The following ACSS3 variants were observed in gnomAD, a reference collection of about 807,000 sequenced individuals.
ACSS3 encodes acyl-CoA synthetase short chain family member 3.
A neutral mutation model predicts 84.2 loss-of-function variants in ACSS3; 64 were observed. The observed-to-expected ratio is 0.76, with a 90% CI of 0.62 to 0.94. The LOEUF is 0.94. Among genes scored for constraint, ACSS3 ranks in the 40% least tolerant of loss-of-function variants. The pLI is 0.00. For missense variants in ACSS3, 815 were observed against 867.6 expected (o/e 0.94, Z 0.76); for synonymous variants, 317 against 310.1 (o/e 1.02, Z -0.23).
At chr12:81,176,792 G>C (rs1357259987) in intron 8 of ACSS3, among the ~76,000 whole-genome samples, 1 of 152,136 alleles carries the variant, frequency 6.6e-6, no homozygotes, top group Non-Finnish European at 1.5e-5. Flanking sequence ...AGTTGAGGGG[G>C]AGGGATTCCT....
intron 13 of ACSS3, among the ~76,000 whole-genome samples, chr12:81,243,784 T>C (rs1173452406): frequency 6.6e-6 from 1 of 152,172 alleles, no homozygotes; most frequent in Non-Finnish European, 1.5e-5. Context: ...ATCACTGCTG[T>C]CATTCACTTG....
At chr12:81,156,231 G>GTCT (rs1355600012) in intron 7 of ACSS3, among the ~76,000 whole-genome samples, 1 of 125,842 alleles carries the variant, frequency 7.9e-6, no homozygotes, top group Non-Finnish European at 1.9e-5. Context: ...ACACACACAC[G>GTCT]TCTCTGGGTG....
intron 8 of ACSS3, among the ~76,000 whole-genome samples, chr12:81,180,175 A>C (rs1018662372): frequency 6.6e-6 from 1 of 152,244 alleles, no homozygotes; most frequent in Non-Finnish European, 1.5e-5. Context: ...TGTGAGCTAA[A>C]CATTGAGTAT....
At chr12:81,243,349 GA>G (rs1236016033) in intron 13 of ACSS3, among the ~76,000 whole-genome samples, 151 of 152,300 alleles carry the variant, frequency 9.9e-4, no homozygotes, top group Non-Finnish European at 1.8e-3. Context: ...ACTGCTCAAT[GA>G]AATAAAAGAG....
intron 13 of ACSS3, among the ~76,000 whole-genome samples, chr12:81,235,743 A>AT (rs1167376305): frequency 6.6e-6 from 1 of 151,504 alleles, no homozygotes; most frequent in East Asian, 1.9e-4. Flanking sequence ...GCTATTATAC[A>AT]TTTTTTAAAA....
chr12:81,157,761 C>T (rs112220810), intron 7 of ACSS3, among the ~76,000 whole-genome samples: 4,233 of 152,032 alleles, frequency 0.028, 101 homozygotes, highest in South Asian at 0.11. Flanking sequence ...GAGCCAAGAT[C>T]GCAACACTGC....
intron 11 of ACSS3, among the ~76,000 whole-genome samples, chr12:81,228,475 G>C (rs1281883360): frequency 6.6e-6 from 1 of 151,746 alleles, no homozygotes; most frequent in African/African-American, 2.4e-5. Context: ...AGTTTTTTCT[G>C]GGAGACGACG....
Position 81,199,463 on chromosome 12 carries a change from T to C in ACSS3, c.1354+19T>C, listed in dbSNP as rs775439571. On this transcript the variant is annotated intron_variant, in intron 9 of 15. Transcript: ENST00000548058. The stretch of plus-strand genomic sequence containing the variant: ...CAAACTGGTAAGCATTTTCCTAGCA[T>C]GTACATAAATAGTAAAGAAATGTTC... 1.9e-6 allele frequency: 3 copies of C among 1,596,568 alleles called. No individual in the cohort carries two copies. Among genetic ancestry groups the C allele is most frequent in the Non-Finnish European group, 2.6e-6 (3 of 1,168,160 alleles).
chr12:81,218,126 A>G (rs1393558755), intron 10 of ACSS3, among the ~76,000 whole-genome samples: 1 of 152,158 alleles, frequency 6.6e-6, no homozygotes, highest in Non-Finnish European at 1.5e-5. Context: ...TTGTGATGTT[A>G]TGCAATAAAG....
intron 1 of ACSS3, among the ~76,000 whole-genome samples, chr12:81,096,696 C>A (rs529851596): frequency 6.7e-6 from 1 of 148,818 alleles, no homozygotes; most frequent in South Asian, 2.2e-4. Context: ...TGTTCTACTT[C>A]CACTTATGAG....
chr12:81,127,524 A>T (rs1885183405), intron 2 of ACSS3, among the ~76,000 whole-genome samples: 1 of 152,170 alleles, frequency 6.6e-6, no homozygotes, highest in Admixed American at 6.5e-5. Flanking sequence ...TATTTTATAT[A>T]ACTCTTTCTA....
intron 1 of ACSS3, among the ~76,000 whole-genome samples, chr12:81,095,915 A>C (rs964480535): frequency 1.3e-5 from 2 of 152,236 alleles, no homozygotes; most frequent in African/African-American, 2.4e-5. Flanking sequence ...TATCTGTGCT[A>C]TGGAGAGATG....
Position 81,255,006 on chromosome 12 carries a change from T to C in ACSS3, c.*84T>C, listed in dbSNP as rs1029370861. ...TTGAGTTGTTTCTCAGAAATAAATA[T>C]TTCAGTAGAAATTACTTGCAAAATG... On this transcript the variant is annotated 3_prime_UTR_variant, in exon 16 of 16. Coordinates refer to ENST00000548058, the MANE Select transcript of ACSS3 (RefSeq NM_024560.4). The C allele has an allele frequency of 1.6e-6, 2 of 1,243,914 alleles. No individual in the cohort carries two copies. The highest frequency in any genetic ancestry group is 1.5e-5 in the African/African-American group (1 of 64,558). 77.1% of individuals were successfully genotyped at this position (1,243,914 alleles called of 1,614,324 possible).
At chr12:81,110,362 G>C (rs1226403206) in intron 2 of ACSS3, among the ~76,000 whole-genome samples, 1 of 152,052 alleles carries the variant, frequency 6.6e-6, no homozygotes, top group Admixed American at 6.6e-5. Context: ...TGGCTTATTT[G>C]CTCTTTTGAG....
In ACSS3 at chr12:81,172,029, G is replaced by C. The variant is rs1265880162; in HGVS notation, c.1099-2759G>C. Among the ~76,000 whole-genome samples the C allele has an allele frequency of 2.6e-5, 4 of 152,220 alleles. No individual in the cohort carries two copies. In the East Asian group the frequency reaches 7.7e-4, roughly 29 times the overall value. ...GCCTGTAATCCCAGCACTTTGAGAGGCCGAAGGCAGGCGGATTGCCTGAGG... is the reference window on the plus strand; with the variant it reads ...GCCTGTAATCCCAGCACTTTGAGAGCCCGAAGGCAGGCGGATTGCCTGAGG... On this transcript the variant is annotated intron_variant, in intron 7 of 15. Coordinates refer to ENST00000548058, the MANE Select transcript of ACSS3 (RefSeq NM_024560.4).
chr12:81,179,797 A>AAG (rs1228188353), intron 8 of ACSS3, among the ~76,000 whole-genome samples: 2 of 151,164 alleles, frequency 1.3e-5, no homozygotes, highest in East Asian at 3.9e-4. Context: ...AAAAAAAAAA[A>AAG]GGGCAAAGGA....
At chr12:81,160,812 A>G (rs1170170098) in intron 7 of ACSS3, among the ~76,000 whole-genome samples, 2 of 152,160 alleles carry the variant, frequency 1.3e-5, no homozygotes, top group African/African-American at 4.8e-5. Flanking sequence ...GAGGAAGCAT[A>G]CTAGTTAAGG....
At chr12:81,249,840 T>C (rs1362582713) in intron 13 of ACSS3, among the ~76,000 whole-genome samples, 1 of 152,130 alleles carries the variant, frequency 6.6e-6, no homozygotes, top group East Asian at 1.9e-4. Flanking sequence ...ATGAGGGTGT[T>C]TGATTTGAAC....
At chr12:81,086,672 G>T (rs1021043698) in intron 1 of ACSS3, among the ~76,000 whole-genome samples, 1 of 152,098 alleles carries the variant, frequency 6.6e-6, no homozygotes, top group Admixed American at 6.5e-5. Flanking sequence ...TATAGTATTA[G>T]TTGAAAGGAC....
Sources: allele counts gnomAD v4.1 joint callset (sites outside exome capture counted in the v4.1 genomes callset), GRCh38; gene constraint gnomAD v4.1.1; transcripts MANE v1.5; gene names NCBI Gene and HGNC (gene_info 2026-07-23, HGNC 2026-07-21).